NAV2: variants seen among roughly 807,000 people sequenced by gnomAD.
NAV2 encodes the protein neuron navigator 2.
NAV2 carries 54 observed loss-of-function variants against 223.2 expected under a neutral mutation model. The observed-to-expected ratio is 0.24, with a 90% CI of 0.19 to 0.30. The LOEUF is 0.30. Among genes scored for constraint, NAV2 ranks in the 10% least tolerant of loss-of-function variants. NAV2 has a pLI of 1.00. For synonymous variants in NAV2, 1,279 were observed against 1,239.3 expected (o/e 1.03, Z -0.67); for missense variants, 2,806 against 3,147.5 (o/e 0.89, Z 2.60).
upstream of NAV2, among the ~76,000 whole-genome samples, chr11:19,347,563 C>T (rs2133674061): frequency 6.6e-6 from 1 of 152,244 alleles, no homozygotes; most frequent in Non-Finnish European, 1.5e-5. Context: ...TAAGAGTGGG[C>T]TTGTCTTATG....
intron 1 of NAV2, among the ~76,000 whole-genome samples, chr11:19,414,224 T>C (rs1850267341): frequency 6.6e-6 from 1 of 152,064 alleles, no homozygotes. Flanking sequence ...TGGAGGAATA[T>C]TTACCAAGCA....
chr11:19,461,737 A>G lies in NAV2; in HGVS notation c.75+110710A>G, dbSNP rs148409327. Among the ~76,000 whole-genome samples the G allele has an allele frequency of 2.9e-3, 448 of 152,378 alleles. 2 individuals carry two copies. The highest frequency in any genetic ancestry group is 5.0e-3 in the Non-Finnish European group (341 of 68,042). On this transcript the variant is annotated intron_variant, in intron 1 of 37. Transcript: ENST00000360655. ...TAAAAATGAAATAGGACAAAATTAC[A>G]TGGAACAAAATGGAGTAGCGAGTAT... is the stretch of plus-strand genomic sequence containing the variant.
chr11:19,866,936 AAG>A (rs1472471444), intron 3 of NAV2, among the ~76,000 whole-genome samples: 1 of 152,168 alleles, frequency 6.6e-6, no homozygotes, highest in African/African-American at 2.4e-5. Context: ...TATTATATAA[AAG>A]AAGTAGGAGA....
chr11:20,101,805 C>A (rs769175048), intron 32 of NAV2, among the ~76,000 whole-genome samples: 4 of 152,182 alleles, frequency 2.6e-5, no homozygotes, highest in Non-Finnish European at 5.9e-5. Flanking sequence ...TGGAGCCTGA[C>A]CTGGTCCCAG....
chr11:19,604,428 C>T (rs1458468479), intron 1 of NAV2, among the ~76,000 whole-genome samples: 1 of 152,054 alleles, frequency 6.6e-6, no homozygotes, highest in Non-Finnish European at 1.5e-5. Context: ...TGACTCCAAG[C>T]ATTGGGGTCC....
At chr11:19,555,801 C>T (rs566734565) in intron 1 of NAV2, among the ~76,000 whole-genome samples, 200 of 152,212 alleles carry the variant, frequency 1.3e-3, no homozygotes, top group African/African-American at 4.7e-3. Context: ...TCCTCTGCTC[C>T]CATGGTGCCT....
intron 1 of NAV2, among the ~76,000 whole-genome samples, chr11:19,653,438 T>C (rs2048028044): frequency 6.6e-6 from 1 of 152,224 alleles, no homozygotes; most frequent in African/African-American, 2.4e-5. Context: ...GCATTTTACA[T>C]TTGTGAGCTC....
intron 1 of NAV2, among the ~76,000 whole-genome samples, chr11:19,351,572 A>G (rs1196116017): frequency 6.6e-6 from 1 of 152,186 alleles, no homozygotes; most frequent in East Asian, 1.9e-4. Context: ...GCAGTCACCC[A>G]GGACCTGTGT....
chr11:19,687,762 C>G (rs2049062826), intron 1 of NAV2, among the ~76,000 whole-genome samples: 1 of 117,676 alleles, frequency 8.5e-6, no homozygotes, highest in African/African-American at 3.0e-5. Context: ...CATCTGTGTA[C>G]ATGTGCATGT....
intron 1 of NAV2, among the ~76,000 whole-genome samples, chr11:19,508,851 C>T (rs2043196063): frequency 6.6e-6 from 1 of 152,178 alleles, no homozygotes; most frequent in South Asian, 2.1e-4. Flanking sequence ...AACATCTGCC[C>T]TGGGGGAAAA....
intron 36 of NAV2, among the ~76,000 whole-genome samples, chr11:20,113,243 G>A (rs1325411201): frequency 3.3e-5 from 5 of 152,140 alleles, no homozygotes; most frequent in African/African-American, 9.7e-5. Flanking sequence ...GGAGTTGCAC[G>A]GTGGTTAAGC....
At chr11:20,055,663 C>A (rs2058321277) in intron 18 of NAV2, 106 bp from the exon 19 acceptor site, 1 of 995,164 alleles carries the variant, frequency 1.0e-6, no homozygotes, top group Non-Finnish European at 1.5e-6. Flanking sequence ...GAAGAGTTGG[C>A]AGAAACACAT....
chr11:19,647,416 C>T (rs994997264), intron 1 of NAV2, among the ~76,000 whole-genome samples: 1 of 152,080 alleles, frequency 6.6e-6, no homozygotes, highest in Admixed American at 6.6e-5. Context: ...CCACTTGCAA[C>T]ACAAAATGAG....
At chr11:20,107,057 ATTTTTTTTTTTTT>A (rs10590815) in intron 35 of NAV2, among the ~76,000 whole-genome samples, 20 of 27,228 alleles carry the variant, frequency 7.3e-4, no homozygotes, top group African/African-American at 2.4e-3. Flanking sequence ...ATGGGCTTCC[ATTTTTTTTTTTTT>A]TTTTTTTTTT....
intron 26 of NAV2, among the ~76,000 whole-genome samples, chr11:20,088,780 A>G (rs971999374): frequency 1.3e-5 from 2 of 152,212 alleles, no homozygotes; most frequent in Non-Finnish European, 1.5e-5. Flanking sequence ...AAGGTGCCTT[A>G]TCGTGGAGTG....
intron 1 of NAV2, among the ~76,000 whole-genome samples, chr11:19,470,202 T>C (rs1178455026): frequency 1.3e-5 from 2 of 152,200 alleles, no homozygotes; most frequent in African/African-American, 4.8e-5. Context: ...CAGATGATTT[T>C]TCATGACTCC....
intron 6 of NAV2, among the ~76,000 whole-genome samples, chr11:19,930,991 G>A (rs1167721472): frequency 6.6e-6 from 1 of 152,212 alleles, no homozygotes; most frequent in Non-Finnish European, 1.5e-5. Context: ...TTCATCGAAG[G>A]AGGTAGCTAT....
chr11:19,842,328 A>C (rs1023524857), intron 2 of NAV2, among the ~76,000 whole-genome samples: 1 of 152,162 alleles, frequency 6.6e-6, no homozygotes, highest in Non-Finnish European at 1.5e-5. Flanking sequence ...GCGTTGGTCA[A>C]GTCACATAGT....
chr11:19,424,440 A>C (rs1288870009), intron 1 of NAV2, among the ~76,000 whole-genome samples: 2 of 152,246 alleles, frequency 1.3e-5, no homozygotes, highest in Admixed American at 1.3e-4. Context: ...CATTCATCAA[A>C]GATTTGACTG....
Sources: gnomAD v4.1 joint callset for allele counts (sites outside exome capture counted in the v4.1 genomes callset) on GRCh38, gnomAD v4.1.1 for gene constraint, MANE v1.5 for transcripts, NCBI Gene and HGNC (gene_info 2026-07-23, HGNC 2026-07-21) for gene names.